CMIP: variants seen among roughly 807,000 people sequenced by gnomAD.
CMIP encodes c-Maf inducing protein.
CMIP carries 13 observed loss-of-function variants against 97.3 expected under a neutral mutation model. That is an observed-to-expected ratio of 0.13 (90% CI 0.09 to 0.21). The LOEUF (loss-of-function observed/expected upper bound fraction) is 0.21. Ranked by LOEUF, CMIP falls within the 10% of genes least tolerant of loss-of-function variation. The probability of loss-of-function intolerance (pLI) is 1.00; values close to 1 mark genes in which losing one functional copy is unlikely to be tolerated. For synonymous variants in CMIP, 538 were observed against 436.3 expected, an observed-to-expected ratio of 1.23 and a Z score of -2.91; for missense variants, 847 against 1,024.9, an observed-to-expected ratio of 0.83 and a Z score of 2.37.
intron 11 of CMIP, among the ~76,000 whole-genome samples, chr16:81,692,550 G>A (rs1906212435): frequency 1.3e-5 from 2 of 152,350 alleles, no homozygotes; most frequent in South Asian, 2.1e-4. Context: ...ATTACCAAGC[G>A]TGTTTAGGAA....
intron 1 of CMIP, among the ~76,000 whole-genome samples, chr16:81,550,495 A>G (rs1322187087): frequency 6.6e-6 from 1 of 152,138 alleles, no homozygotes; most frequent in African/African-American, 2.4e-5. Context: ...TGGCTGGGAA[A>G]CCTTGGCAGC....
intron 1 of CMIP, among the ~76,000 whole-genome samples, chr16:81,504,831 C>T (rs2089679437): frequency 6.6e-6 from 1 of 151,984 alleles, no homozygotes; most frequent in South Asian, 2.1e-4. Flanking sequence ...GGTGTGGAAC[C>T]CTTTTAGCAT....
intron 1 of CMIP, among the ~76,000 whole-genome samples, chr16:81,571,519 G>A (rs1050261314): frequency 6.7e-6 from 1 of 148,382 alleles, no homozygotes; most frequent in African/African-American, 2.5e-5. Context: ...TCAGCATTTT[G>A]GGAGGCCCAG....
chr16:81,600,439 C>G (rs1480148324), intron 1 of CMIP, among the ~76,000 whole-genome samples: 1 of 152,106 alleles, frequency 6.6e-6, no homozygotes, highest in East Asian at 1.9e-4. Context: ...CGACTCATGC[C>G]ATAGCACAGA....
chr16:81,492,534 C>T (rs898270336), intron 1 of CMIP, among the ~76,000 whole-genome samples: 4 of 152,108 alleles, frequency 2.6e-5, no homozygotes, highest in Non-Finnish European at 2.9e-5. Flanking sequence ...AGTGGCATCG[C>T]GGTGGCCGGG....
intron 1 of CMIP, among the ~76,000 whole-genome samples, chr16:81,497,596 G>A (rs2089514663): frequency 1.3e-5 from 2 of 152,216 alleles, no homozygotes; most frequent in African/African-American, 4.8e-5. Flanking sequence ...CCATCTTGCC[G>A]GTGATGCCCA....
intron 1 of CMIP, among the ~76,000 whole-genome samples, chr16:81,512,095 AT>A: frequency 6.6e-6 from 1 of 152,378 alleles, no homozygotes; most frequent in Non-Finnish European, 1.5e-5. Context: ...TATTATTAAC[AT>A]TGATTTCACC....
At position 81,514,200 on chromosome 16, in the gene CMIP, G is replaced by A. The variant is rs527541640; in HGVS notation, c.300+68659G>A. Among the ~76,000 whole-genome samples the A allele has an allele frequency of 1.8e-3, 278 of 152,308 alleles. 1 individual carries two copies. The highest frequency in any genetic ancestry group is 3.1e-3 in the Non-Finnish European group (208 of 68,026). On this transcript the variant is annotated intron_variant, in intron 1 of 20. Coordinates refer to ENST00000537098, the MANE Select transcript of CMIP (RefSeq NM_198390.3). ...CTATTTGAGGAATGGATTTGCATCTGGTTTTGTGGTGAAGAGGGTAGGTGT... is the reference window on the plus strand; with the variant it reads ...CTATTTGAGGAATGGATTTGCATCTAGTTTTGTGGTGAAGAGGGTAGGTGT...
intron 1 of CMIP, among the ~76,000 whole-genome samples, chr16:81,515,669 A>C (rs567083507): frequency 1.3e-5 from 2 of 152,182 alleles, no homozygotes; most frequent in Non-Finnish European, 2.9e-5. Context: ...ACCAGGCGCT[A>C]TTCTAAGGAC....
At chr16:81,583,689 CTCTG>C (rs1355324806) in intron 1 of CMIP, among the ~76,000 whole-genome samples, 1 of 152,142 alleles carries the variant, frequency 6.6e-6, no homozygotes, top group Non-Finnish European at 1.5e-5. Context: ...ACCTAAAGTC[CTCTG>C]TCTGTCGTTG....
chr16:81,612,332 G>A (rs572835914), intron 2 of CMIP, among the ~76,000 whole-genome samples: 23 of 152,274 alleles, frequency 1.5e-4, no homozygotes, highest in African/African-American at 4.6e-4. Flanking sequence ...TGCTTCTTTC[G>A]GGGATGGGTT....
chr16:81,499,575 A>G (rs1306809596), intron 1 of CMIP, among the ~76,000 whole-genome samples: 1 of 152,136 alleles, frequency 6.6e-6, no homozygotes, highest in African/African-American at 2.4e-5. Context: ...CTTGTCATCC[A>G]TCTTCTGGGC....
chr16:81,642,788 C>T (rs566737352), intron 3 of CMIP, among the ~76,000 whole-genome samples: 18 of 152,120 alleles, frequency 1.2e-4, no homozygotes, highest in East Asian at 3.9e-4. Context: ...CCCAGCTACT[C>T]GGGAGGCGGA....
rs377656905 is a variant in CMIP at position 81,693,427 on chromosome 16, C to G, written c.1482-12C>G. The G allele has an allele frequency of 1.2e-6, 2 of 1,610,180 alleles. No homozygotes were observed. Among genetic ancestry groups the G allele is most frequent in the Non-Finnish European group, 1.7e-6 (2 of 1,178,230 alleles). ...ACCCCGGCAGTAACTCCGGCCGCCT[C>G]GTCTCTTCCAGGGAACTGAAGTACG... is the stretch of plus-strand genomic sequence containing the variant. On this transcript the variant is annotated splice_polypyrimidine_tract_variant and intron_variant, in intron 12 of 20. Transcript: ENST00000537098.
chr16:81,699,096 G>A (rs544840856), intron 14 of CMIP, among the ~76,000 whole-genome samples: 57 of 152,172 alleles, frequency 3.7e-4, no homozygotes, highest in South Asian at 8.3e-4. Context: ...ACTAAAAATA[G>A]AAATAAATTA....
chr16:81,586,218 A>T (rs1040360517), intron 1 of CMIP, among the ~76,000 whole-genome samples: 1 of 152,088 alleles, frequency 6.6e-6, no homozygotes, highest in Non-Finnish European at 1.5e-5. Context: ...TCTTTCAGAG[A>T]TGGGATTTTG....
At chr16:81,664,074 C>T (rs1011688884) in intron 6 of CMIP, among the ~76,000 whole-genome samples, 195 bp from the exon 7 acceptor site, 1 of 152,160 alleles carries the variant, frequency 6.6e-6, no homozygotes, top group Non-Finnish European at 1.5e-5. Flanking sequence ...CTCTACCTTC[C>T]TCTCCGTTCT....
intron 1 of CMIP, among the ~76,000 whole-genome samples, chr16:81,498,002 C>G: frequency 6.6e-6 from 1 of 152,238 alleles, no homozygotes; most frequent in Non-Finnish European, 1.5e-5. Context: ...TTTCGGTTTC[C>G]TTTTCATTGT....
At chr16:81,640,489 C>T (rs974229768) in intron 3 of CMIP, among the ~76,000 whole-genome samples, 4 of 152,192 alleles carry the variant, frequency 2.6e-5, no homozygotes, top group African/African-American at 9.7e-5. Flanking sequence ...CTCCTTACAG[C>T]TGTCTGGGCT....
Sources: gnomAD v4.1 joint callset for allele counts (sites outside exome capture counted in the v4.1 genomes callset) on GRCh38, gnomAD v4.1.1 for gene constraint, MANE v1.5 for transcripts, NCBI Gene and HGNC (gene_info 2026-07-23, HGNC 2026-07-21) for gene names.